ROBO1: variants seen among roughly 807,000 people sequenced by gnomAD.
ROBO1 encodes the protein roundabout homolog 1.
Under a neutral mutation model 195.9 loss-of-function variants are expected in ROBO1, and 149 were observed. The observed-to-expected ratio is 0.76, with a 90% CI of 0.67 to 0.87. ROBO1 has a LOEUF of 0.87. Among genes scored for constraint, ROBO1 ranks in the 40% least tolerant of loss-of-function variants. The pLI, the probability that ROBO1 is intolerant of heterozygous loss-of-function variation, is 0.00. For synonymous variants in ROBO1, 816 were observed against 733.2 expected (o/e 1.11, Z -1.82); for missense variants, 1,933 against 2,068.3 (o/e 0.93, Z 1.27).
chr3:79,527,881 T>C (rs1013654596), intron 2 of ROBO1: 2 of 152,474 alleles, frequency 1.3e-5, no homozygotes, highest in Non-Finnish European at 2.9e-5. Context: ...GGAAGGTCAG[T>C]GATGGGCTGG....
chr3:79,092,164 G>A (rs552474234), intron 3 of ROBO1, among the ~76,000 whole-genome samples: 1 of 152,296 alleles, frequency 6.6e-6, no homozygotes, highest in East Asian at 1.9e-4. Flanking sequence ...GTATTTGAAG[G>A]TAGAGCCAAC....
chr3:79,685,974 TA>T (rs1440447582), intron 1 of ROBO1, among the ~76,000 whole-genome samples: 1 of 152,146 alleles, frequency 6.6e-6, no homozygotes, highest in African/African-American at 2.4e-5. Context: ...AAATCCTCAA[TA>T]AAATACTGGC....
chr3:79,379,213 G>C (rs2036488270), intron 2 of ROBO1, among the ~76,000 whole-genome samples: 2 of 152,172 alleles, frequency 1.3e-5, no homozygotes, highest in Admixed American at 6.5e-5. Flanking sequence ...AGGCTTGACT[G>C]TGGTAGTTAT....
In ROBO1 at chr3:78,952,112, T is replaced by C. The variant is rs74483838; in HGVS notation, c.173-13185A>G. 1.5e-3 allele frequency among the ~76,000 whole-genome samples: 221 copies of C among 151,628 alleles called. 2 individuals are homozygous for C. The East Asian group carries it at 0.032, about 22-fold the overall frequency. On this transcript the variant is annotated intron_variant, in intron 3 of 30. Transcript: ENST00000464233. ...AAAACAGTATTTATTTTATTAGTAG[T>C]TTTGTTTTGATCCAACCGTTTTCAT...
chr3:78,701,215 A>G (rs1204037626), intron 8 of ROBO1, among the ~76,000 whole-genome samples: 3 of 152,256 alleles, frequency 2.0e-5, no homozygotes, highest in African/African-American at 7.2e-5. Flanking sequence ...TTAACAAGAA[A>G]TGATTTAAAT....
Position 78,746,882 on chromosome 3 carries a change from C to T in ROBO1, c.518G>A (p.Arg173Lys), listed in dbSNP as rs997402824. The T allele has an allele frequency of 4.5e-6, 7 of 1,572,554 alleles. No individual in the cohort carries two copies. The highest frequency in any genetic ancestry group is 6.1e-6 in the Non-Finnish European group (7 of 1,153,580). ...LEVAILRDDF[R>K]QNPSDVMVAV... ...AACCATGACATCCGAAGGGTTTTGT[C>T]TGAAGTCATCCCGAAGTACTGTAGG... Residue 173 changes from arginine to lysine, a missense_variant, in exon 5 of 31, where the codon AGA (arginine) becomes AAA (lysine). Around this residue, in one of 3 missense-constraint regions of ROBO1, gnomAD observed 1,737 missense variants for 1,882.5 expected, o/e 0.92. Coordinates refer to ENST00000464233, the MANE Select transcript of ROBO1 (RefSeq NM_002941.4).
intron 2 of ROBO1, among the ~76,000 whole-genome samples, chr3:79,275,004 C>A (rs2030908360): frequency 6.6e-6 from 1 of 151,888 alleles, no homozygotes; most frequent in African/African-American, 2.4e-5. Context: ...ACTCTCTCAG[C>A]AGAGAAATGC....
chr3:79,688,131 A>C (rs1947185846), intron 1 of ROBO1, among the ~76,000 whole-genome samples: 1 of 149,040 alleles, frequency 6.7e-6, no homozygotes, highest in Non-Finnish European at 1.5e-5. Context: ...TAAAAACCAA[A>C]CACCGCATGT....
intron 21 of ROBO1, among the ~76,000 whole-genome samples, chr3:78,642,235 G>A (rs990501492): frequency 2.0e-5 from 3 of 152,086 alleles, no homozygotes; most frequent in Non-Finnish European, 4.4e-5. Context: ...GAGGGCAAAT[G>A]CACTTTAGTA....
intron 1 of ROBO1, among the ~76,000 whole-genome samples, chr3:79,611,484 A>T (rs898317027): frequency 1.3e-5 from 2 of 152,082 alleles, no homozygotes; most frequent in Non-Finnish European, 2.9e-5. Context: ...CTTGGAACCA[A>T]CCCAAATGTC....
rs975169064 is a variant in ROBO1 at position 78,963,506 on chromosome 3, T to C, written c.173-24579A>G. Among the ~76,000 whole-genome samples the C allele has an allele frequency of 3.3e-5, 4 of 121,268 alleles. No homozygotes were observed. In the East Asian group the frequency reaches 6.6e-4, roughly 20 times the overall value. The allele number at this position is 121,268 out of a possible 152,430, so 79.6% of individuals were successfully genotyped here. On this transcript the variant is annotated intron_variant, in intron 3 of 30. Transcript: ENST00000464233. ...AGGAAAACCTTCAGTTTTTTTTTTT[T>C]TTTTTTTTTTTTTTCTTTTTTTTTT...
chr3:79,437,320 A>G (rs912394812), intron 2 of ROBO1, among the ~76,000 whole-genome samples: 1 of 151,988 alleles, frequency 6.6e-6, no homozygotes, highest in Admixed American at 6.6e-5. Flanking sequence ...TATCTAGCCA[A>G]TTCTGGCCCT....
chr3:78,693,196 A>G, intron 8 of ROBO1: 1 of 1,011,038 alleles, frequency 9.9e-7, no homozygotes, highest in Middle Eastern at 2.2e-4. Flanking sequence ...TGCAGACTTT[A>G]TTCTGTGCAG....
chr3:79,106,432 GA>G (rs1448220650), intron 3 of ROBO1, among the ~76,000 whole-genome samples: 12 of 151,470 alleles, frequency 7.9e-5, no homozygotes, highest in Admixed American at 2.6e-4. Context: ...AACATTGCCT[GA>G]AAAAACAAGA....
chr3:78,652,097 T>C (rs1203401750), intron 18 of ROBO1, among the ~76,000 whole-genome samples, 168 bp from the exon 19 acceptor site: 3 of 152,162 alleles, frequency 2.0e-5, no homozygotes, highest in Non-Finnish European at 1.5e-5. Flanking sequence ...TTCAGCAAAA[T>C]TGGACAATTT....
intron 2 of ROBO1, among the ~76,000 whole-genome samples, chr3:79,563,212 A>G (rs910201452): frequency 6.6e-6 from 1 of 152,090 alleles, no homozygotes; most frequent in African/African-American, 2.4e-5. Flanking sequence ...TGTAGCACAC[A>G]AAACTACTTG....
intron 4 of ROBO1, among the ~76,000 whole-genome samples, chr3:78,866,935 A>T (rs2035219898): frequency 6.6e-6 from 1 of 152,204 alleles, no homozygotes; most frequent in African/African-American, 2.4e-5. Context: ...AGAGTTTTAG[A>T]CTGTAATAGA....
At chr3:78,662,142 G>T in intron 14 of ROBO1, 28 bp from the exon 15 acceptor site, 1 of 1,549,012 alleles carries the variant, frequency 6.5e-7, no homozygotes, top group African/African-American at 1.4e-5. Context: ...AACTGTGTCA[G>T]GGTCTGCACA....
At chr3:79,699,925 T>C (rs1365540776) in intron 1 of ROBO1, among the ~76,000 whole-genome samples, 1 of 151,676 alleles carries the variant, frequency 6.6e-6, no homozygotes, top group Non-Finnish European at 1.5e-5. Context: ...GGGGTACAAA[T>C]GATCCTGTCA....
Sources: allele counts gnomAD v4.1 joint callset (sites outside exome capture counted in the v4.1 genomes callset), GRCh38; gene constraint gnomAD v4.1.1; regional missense constraint gnomAD v4.1.1; transcripts MANE v1.5; gene names NCBI Gene and HGNC (gene_info 2026-07-23, HGNC 2026-07-21).